The following TNR variants were observed in gnomAD, a reference collection of about 807,000 sequenced individuals.
The protein encoded by TNR is tenascin-R.
TNR carries 45 observed loss-of-function variants against 150.4 expected under a neutral mutation model. The observed-to-expected ratio is 0.30, with a 90% CI of 0.24 to 0.38. The LOEUF (loss-of-function observed/expected upper bound fraction) is 0.38. Among genes scored for constraint, TNR ranks in the 10% least tolerant of loss-of-function variants. TNR has a pLI of 1.00. For synonymous variants in TNR, 687 were observed against 678.4 expected (o/e 1.01, Z -0.20); for missense variants, 1,544 against 1,759.1 (o/e 0.88, Z 2.19).
chr1:175,556,539 C>G (rs1006323997), intron 1 of TNR: 1 of 152,086 alleles, frequency 6.6e-6, no homozygotes, highest in Non-Finnish European at 1.5e-5. Flanking sequence ...AAGCAGGACC[C>G]CATTATCCAC....
At chr1:175,593,706 C>A (rs1318665552) in intron 1 of TNR, among the ~76,000 whole-genome samples, 1 of 152,154 alleles carries the variant, frequency 6.6e-6, no homozygotes, top group Non-Finnish European at 1.5e-5. Flanking sequence ...CCAGAGTCTT[C>A]ACCAGACTCT....
At chr1:175,404,366 C>T (rs967716096) in intron 3 of TNR, among the ~76,000 whole-genome samples, 8 of 152,222 alleles carry the variant, frequency 5.3e-5, no homozygotes, top group African/African-American at 1.9e-4. Flanking sequence ...TCCATGGTTA[C>T]TTCAAAGGCT....
At chr1:175,454,380 C>T (rs1656466408) in intron 2 of TNR, among the ~76,000 whole-genome samples, 1 of 152,224 alleles carries the variant, frequency 6.6e-6, no homozygotes, top group African/African-American at 2.4e-5. Context: ...TTCTCTCTTT[C>T]CCACAACAGC....
At chr1:175,445,468 G>A (rs1368083990) in intron 2 of TNR, among the ~76,000 whole-genome samples, 3 of 152,016 alleles carry the variant, frequency 2.0e-5, no homozygotes, top group Non-Finnish European at 4.4e-5. Context: ...TGGTCTCTCT[G>A]TGAAAATTTT....
intron 1 of TNR, among the ~76,000 whole-genome samples, chr1:175,653,347 A>G (rs1037094713): frequency 2.6e-5 from 4 of 152,238 alleles, no homozygotes; most frequent in African/African-American, 9.6e-5. Flanking sequence ...CGACATGGGC[A>G]GTTCTTAACA....
intron 1 of TNR, among the ~76,000 whole-genome samples, chr1:175,709,229 T>C (rs957079873): frequency 2.0e-5 from 3 of 152,090 alleles, no homozygotes; most frequent in African/African-American, 7.3e-5. Context: ...GTGTGGAATG[T>C]GACGATATGC....
chr1:175,427,889 G>GCTTCCTTCCTTCCTTC (rs71129510), intron 2 of TNR, among the ~76,000 whole-genome samples: 1,860 of 111,482 alleles, frequency 0.017, 31 homozygotes, highest in African/African-American at 0.026. Context: ...TCCCTTCTTC[G>GCTTCCTTCCTTCCTTC]CTTCCTTCCT....
intron 1 of TNR, among the ~76,000 whole-genome samples, chr1:175,549,510 G>A (rs1660849348): frequency 6.6e-6 from 1 of 152,172 alleles, no homozygotes; most frequent in African/African-American, 2.4e-5. Flanking sequence ...AATCCTTGGA[G>A]CTATGAATAT....
intron 11 of TNR, 102 bp downstream of exon 11, chr1:175,365,773 C>T: frequency 6.0e-6 from 9 of 1,495,778 alleles, no homozygotes; most frequent in Non-Finnish European, 8.1e-6. Context: ...CTCTTTTCTC[C>T]AAAGGAAATG....
intron 1 of TNR, among the ~76,000 whole-genome samples, chr1:175,639,583 C>T (rs954238048): frequency 6.6e-6 from 1 of 152,176 alleles, no homozygotes; most frequent in African/African-American, 2.4e-5. Flanking sequence ...GGGGCTCTGA[C>T]ACCTTGCCCG....
At chr1:175,324,601 C>T in intron 21 of TNR, 82 bp from the exon 22 acceptor site, 1 of 1,505,190 alleles carries the variant, frequency 6.6e-7, no homozygotes, top group South Asian at 1.2e-5. Context: ...CCACTTCCAG[C>T]AAACCTGGCT....
chr1:175,648,108 C>T (rs1664857857), intron 1 of TNR, among the ~76,000 whole-genome samples: 1 of 152,096 alleles, frequency 6.6e-6, no homozygotes, highest in Admixed American at 6.5e-5. Context: ...CTCTCTGCTA[C>T]CTCTGGCTTG....
At chr1:175,438,556 G>T (rs1450650238) in intron 2 of TNR, among the ~76,000 whole-genome samples, 3 of 152,068 alleles carry the variant, frequency 2.0e-5, no homozygotes, top group African/African-American at 2.4e-5. Flanking sequence ...AGGAAATAAA[G>T]GGCATTCAAT....
intron 7 of TNR, among the ~76,000 whole-genome samples, chr1:175,389,349 A>C (rs704813): frequency 0.69 from 105,424 of 152,076 alleles, 36,844 homozygotes; most frequent in East Asian, 0.83. Flanking sequence ...TCCTCAAAGC[A>C]AGCCATAAAA....
At position 175,366,093 on chromosome 1, in the gene TNR, G is replaced by A. The variant is rs1201719666; in HGVS notation, c.2099C>T (p.Thr700Ile). 1.2e-6 allele frequency: 2 copies of A among 1,613,448 alleles called. No individual in the cohort carries two copies. Among genetic ancestry groups the A allele is most frequent in the South Asian group, 1.1e-5 (1 of 90,968 alleles). ...RDLMVTASSE[T>I]SISLIWTKAS... Reference sequence around the variant, plus strand: ...CTTGGTCCAGATGAGGGAGATGGAGGTCTCCGAGGAGGCTGTCACCATGAG... The same window carrying A: ...CTTGGTCCAGATGAGGGAGATGGAGATCTCCGAGGAGGCTGTCACCATGAG... The change falls in exon 11 of 23, where the codon ACC becomes ATC. Residue 700 changes from threonine (T) to isoleucine (I), a missense_variant. Around this residue, in one of 2 missense-constraint regions of TNR, gnomAD observed 1,254 missense variants for 1,329.4 expected, o/e 0.94. Transcript: ENST00000367674.
In TNR at chr1:175,547,912, C is replaced by T. The variant is rs533030566; in HGVS notation, c.-164-19543G>A. Among the ~76,000 whole-genome samples the T allele has an allele frequency of 3.3e-5, 5 of 152,298 alleles. No homozygotes were observed. In the South Asian group the frequency reaches 1.0e-3, roughly 32 times the overall value. On this transcript the variant is annotated intron_variant, in intron 1 of 22. Coordinates refer to ENST00000367674, the MANE Select transcript of TNR (RefSeq NM_003285.3). ...CAGAAATTTGGCCTCGGACTTGGCT[C>T]TGTCAACAATTAAAGTCCATAAAAA... is the stretch of plus-strand genomic sequence containing the variant.
chr1:175,623,459 G>A (rs973398645), intron 1 of TNR, among the ~76,000 whole-genome samples: 1 of 152,186 alleles, frequency 6.6e-6, no homozygotes, highest in African/African-American at 2.4e-5. Context: ...TGTTGGAGGT[G>A]CAGGAGGTGA....
intron 1 of TNR, among the ~76,000 whole-genome samples, chr1:175,666,907 T>C (rs1007299259): frequency 2.0e-5 from 3 of 152,118 alleles, no homozygotes; most frequent in Admixed American, 6.5e-5. Flanking sequence ...CCACCATGTA[T>C]GGATAATTTT....
chr1:175,685,385 T>G (rs1268268585), intron 1 of TNR, among the ~76,000 whole-genome samples: 1 of 152,172 alleles, frequency 6.6e-6, no homozygotes, highest in Non-Finnish European at 1.5e-5. Context: ...ACAATACTCA[T>G]TGCACACTGC....
Sources: allele counts gnomAD v4.1 joint callset (sites outside exome capture counted in the v4.1 genomes callset), GRCh38; gene constraint gnomAD v4.1.1; regional missense constraint gnomAD v4.1.1; transcripts MANE v1.5; gene names NCBI Gene and HGNC (gene_info 2026-07-23, HGNC 2026-07-21).